Variants in LINGO3 observed in about 807,000 individuals in gnomAD.
LINGO3 encodes leucine rich repeat and Ig domain containing 3.
For missense variants in LINGO3, 750 were observed against 867.7 expected, an observed-to-expected ratio of 0.86 and a Z score of 1.70; for synonymous variants, 427 against 444.2, an observed-to-expected ratio of 0.96 and a Z score of 0.49.
chr19:2,306,138 C>T, the LINGO3 span, among the ~76,000 whole-genome samples: 1 of 152,188 alleles, frequency 6.6e-6, no homozygotes, highest in Non-Finnish European at 1.5e-5. Context: ...GCCACTTCAC[C>T]CACTAGCCCA....
rs1026055446 is a variant in LINGO3 at position 2,291,841 on chromosome 19, C to T, written c.-65G>A. 5.1e-6 allele frequency: 7 copies of T among 1,377,836 alleles called. No individual in the cohort carries two copies. The highest frequency in any genetic ancestry group is 6.1e-5 in the East Asian group (2 of 33,036). The allele number at this position is 1,377,836 out of a possible 1,614,324, so 85.4% of individuals were successfully genotyped here. A position where few individuals can be genotyped will look rare whatever the true frequency, so the allele number is the denominator to read the frequency against. On this transcript the variant is annotated 5_prime_UTR_variant, in exon 1 of 1. Transcript: ENST00000585527. ...TGCGCACCTGCGGGCGGGCGGGGAGCGGGCAGCGTTAGCACCGTTAGCACC... is the reference window on the plus strand; with the variant it reads ...TGCGCACCTGCGGGCGGGCGGGGAGTGGGCAGCGTTAGCACCGTTAGCACC...
upstream of LINGO3, among the ~76,000 whole-genome samples, chr19:2,294,616 G>T (rs1363832286): frequency 6.6e-6 from 1 of 151,928 alleles, no homozygotes; most frequent in Non-Finnish European, 1.5e-5. This position sits in a 1 kb window ranked among gnomAD's most constrained non-coding sequence, Gnocchi z 4.3. Flanking sequence ...AGGGGGGCGG[G>T]GAGCTGGGTT....
upstream of LINGO3, among the ~76,000 whole-genome samples, chr19:2,294,908 C>T (rs1176451694): frequency 3.3e-5 from 5 of 152,180 alleles, no homozygotes; most frequent in East Asian, 1.9e-4. The surrounding 1 kb of genome is among the most constrained non-coding windows in gnomAD (Gnocchi z 4.3). Context: ...GCCAGCCGGC[C>T]GGCTATTTTT....
the LINGO3 span, among the ~76,000 whole-genome samples, chr19:2,304,865 G>A: frequency 2.0e-5 from 3 of 151,804 alleles, no homozygotes; most frequent in South Asian, 2.1e-4. Context: ...GAGCCACCAC[G>A]TCCGGCTAAT....
At chr19:2,291,714 C>G in exon 1 of LINGO3, 1 of 1,341,682 alleles carries the variant, frequency 7.5e-7, no homozygotes, top group Non-Finnish European at 9.5e-7. Flanking sequence ...AGCCTCCAGC[C>G]GGGGGCGGCG....
upstream of LINGO3, among the ~76,000 whole-genome samples, chr19:2,293,103 C>T (rs530764186): frequency 6.6e-6 from 1 of 151,576 alleles, no homozygotes; most frequent in African/African-American, 2.4e-5. Flanking sequence ...CTTGCTCTGT[C>T]ACCCAGGCTG....
At chr19:2,297,311 T>A in the LINGO3 span, among the ~76,000 whole-genome samples, 1 of 139,524 alleles carries the variant, frequency 7.2e-6, no homozygotes, top group Non-Finnish European at 1.6e-5. Flanking sequence ...CCCCTTTTTT[T>A]TTTTTTTTTC....
At chr19:2,306,750 A>T in the LINGO3 span, among the ~76,000 whole-genome samples, 2 of 152,168 alleles carry the variant, frequency 1.3e-5, no homozygotes, top group African/African-American at 4.8e-5. Context: ...AACCCTCCTA[A>T]GCCCCCATCC....
rs2025509180 is a variant in LINGO3 at position 2,290,625 on chromosome 19, C to T, written c.1152G>A (p.Glu384=). The change falls in exon 1 of 1, where the codon GAG becomes GAA. Residue 384 remains glutamate, a synonymous_variant. Coordinates refer to ENST00000585527, the Ensembl canonical transcript of LINGO3. The surrounding 1 kb of genome is among the most constrained non-coding windows in gnomAD (Gnocchi z 6.0). ...GGTTTCGCAGCGCGTCGCCGCGCAC[C>T]TCGGCCGGGGTGGCGCAGGCCGGCA... 1.3e-6 allele frequency: 2 copies of T among 1,595,528 alleles called. No individual in the cohort carries two copies. Among genetic ancestry groups the T allele is most frequent in the Non-Finnish European group, 1.7e-6 (2 of 1,174,584 alleles).
chr19:2,306,171 A>C, the LINGO3 span, among the ~76,000 whole-genome samples: 1 of 152,098 alleles, frequency 6.6e-6, no homozygotes, highest in Non-Finnish European at 1.5e-5. Context: ...GGGAATAATA[A>C]AGTTCGTTTT....
At chr19:2,301,732 C>G in the LINGO3 span, among the ~76,000 whole-genome samples, 1 of 151,940 alleles carries the variant, frequency 6.6e-6, no homozygotes, top group Non-Finnish European at 1.5e-5. Flanking sequence ...TGGAGACCAT[C>G]CTGGTTAACA....
chr19:2,293,269 T>A (rs1487384899), upstream of LINGO3, among the ~76,000 whole-genome samples: 2 of 151,904 alleles, frequency 1.3e-5, no homozygotes, highest in Non-Finnish European at 2.9e-5. Flanking sequence ...TTTCACCGTG[T>A]TAGCCAGGAT....
chr19:2,289,494 G>C (rs1269112393), downstream of LINGO3, among the ~76,000 whole-genome samples: 1 of 152,230 alleles, frequency 6.6e-6, no homozygotes, highest in East Asian at 1.9e-4. Flanking sequence ...CCAGGTGTGA[G>C]CAATGCAGAC....
chr19:2,292,161 C>G (rs2025530935), upstream of LINGO3: 2 of 250,584 alleles, frequency 8.0e-6, no homozygotes, highest in Non-Finnish European at 1.6e-5. Flanking sequence ...GCACTCCAGC[C>G]TGGGCAACAC....
At position 2,290,695 on chromosome 19, in the gene LINGO3, A is replaced by AGTCGCT; in HGVS notation, c.1081_1082insAGCGAC (p.Leu360_Leu361insGlnArg). On this transcript the variant is annotated inframe_insertion, in exon 1 of 1. Coordinates refer to ENST00000585527, the Ensembl canonical transcript of LINGO3. The surrounding 1 kb of genome is among the most constrained non-coding windows in gnomAD (Gnocchi z 6.0). ...GGTCTTGCGACGCTGCACGATCCAC[A>AGTCGCT]GCAGGCGACAGTCGCAGGCCAGCGG... is the stretch of plus-strand genomic sequence containing the variant. The AGTCGCT allele has an allele frequency of 6.2e-7, 1 of 1,611,682 alleles. No individual in the cohort carries two copies. Among genetic ancestry groups the AGTCGCT allele is most frequent in the Non-Finnish European group, 8.5e-7 (1 of 1,179,488 alleles).
chr19:2,291,491 C>A (rs927752205), exon 1 of LINGO3: 2 of 1,611,802 alleles, frequency 1.2e-6, no homozygotes, highest in African/African-American at 2.7e-5. Flanking sequence ...GCGAAGGCGC[C>A]GGGCTCCACG....
chr19:2,304,014 G>A, the LINGO3 span, among the ~76,000 whole-genome samples: 1 of 152,230 alleles, frequency 6.6e-6, no homozygotes, highest in Non-Finnish European at 1.5e-5. Flanking sequence ...CGAGTGAGAA[G>A]TCAGGCAAGG....
At chr19:2,303,476 G>T in the LINGO3 span, among the ~76,000 whole-genome samples, 1 of 152,020 alleles carries the variant, frequency 6.6e-6, no homozygotes, top group Non-Finnish European at 1.5e-5. Context: ...GAGGGGCGAG[G>T]CTGGCCGGGG....
exon 1 of LINGO3, chr19:2,291,572 G>C (rs1407621433): frequency 2.5e-6 from 4 of 1,574,180 alleles, no homozygotes; most frequent in Admixed American, 3.6e-5. Context: ...CCCGGGTTCA[G>C]GCAGCGGATG....
Sources: allele counts gnomAD v4.1 joint callset (sites outside exome capture counted in the v4.1 genomes callset), GRCh38; gene constraint gnomAD v4.1.1; non-coding constraint Gnocchi (gnomAD v3.1); transcripts MANE v1.5; gene names NCBI Gene and HGNC (gene_info 2026-07-23, HGNC 2026-07-21).